The following LDB2 variants were observed in gnomAD, a reference collection of about 807,000 sequenced individuals.
LDB2 encodes LIM domain-binding protein 2.
In LDB2, 12 loss-of-function variants were observed where a neutral mutation model predicts 44.3. That is an observed-to-expected ratio of 0.27 (90% CI 0.17 to 0.44). The LOEUF (loss-of-function observed/expected upper bound fraction) is 0.44. LDB2 is among the 20% of genes least tolerant of loss of function. The pLI, the probability that LDB2 is intolerant of heterozygous loss-of-function variation, is 1.00. For missense variants in LDB2, 344 were observed against 473.5 expected (o/e 0.73, Z 2.54); for synonymous variants, 164 against 174.8 (o/e 0.94, Z 0.49).
At chr4:16,559,934 A>G (rs575927406) in intron 5 of LDB2, among the ~76,000 whole-genome samples, 21 of 152,330 alleles carry the variant, frequency 1.4e-4, no homozygotes, top group Admixed American at 7.2e-4. Flanking sequence ...GCTCAACTAC[A>G]TGGAAACTGA....
intron 2 of LDB2, among the ~76,000 whole-genome samples, chr4:16,732,475 C>T (rs10939687): frequency 0.048 from 7,285 of 152,194 alleles, 189 homozygotes; most frequent in African/African-American, 0.07. Context: ...TAACTTATAT[C>T]GAACAAATCA....
chr4:16,804,781 T>C (rs1383025834), intron 1 of LDB2, among the ~76,000 whole-genome samples: 1 of 152,204 alleles, frequency 6.6e-6, no homozygotes, highest in East Asian at 1.9e-4. Context: ...TTTTTGCTGA[T>C]TTCTCATTTT....
At chr4:16,555,853 T>G (rs1459729232) in intron 5 of LDB2, among the ~76,000 whole-genome samples, 1 of 152,118 alleles carries the variant, frequency 6.6e-6, no homozygotes, top group African/African-American at 2.4e-5. Context: ...CACCAACCAC[T>G]CCGCCCTCAC....
chr4:16,823,510 G>A (rs1326188797), intron 1 of LDB2, among the ~76,000 whole-genome samples: 8 of 151,954 alleles, frequency 5.3e-5, no homozygotes, highest in Non-Finnish European at 1.2e-4. Context: ...TTTTTAAAAG[G>A]AGAAAGCACT....
At chr4:16,611,250 A>T (rs1369082192) in intron 2 of LDB2, among the ~76,000 whole-genome samples, 1 of 152,222 alleles carries the variant, frequency 6.6e-6, no homozygotes, top group African/African-American at 2.4e-5. Flanking sequence ...AGTACCAGCC[A>T]CTGCGAAAAC....
intron 1 of LDB2, among the ~76,000 whole-genome samples, chr4:16,764,862 T>C (rs1342982772): frequency 6.6e-6 from 1 of 152,202 alleles, no homozygotes; most frequent in East Asian, 1.9e-4. Flanking sequence ...TAAGCCGTTT[T>C]GATGAAGGAT....
intron 5 of LDB2, among the ~76,000 whole-genome samples, chr4:16,552,160 GGAA>G (rs1356329816): frequency 3.3e-5 from 5 of 152,056 alleles, no homozygotes; most frequent in Admixed American, 6.6e-5. Context: ...CTGAAGGCAA[GGAA>G]GAAGAACATT....
chr4:16,597,732 C>T (rs1364901010), intron 2 of LDB2, among the ~76,000 whole-genome samples: 1 of 152,108 alleles, frequency 6.6e-6, no homozygotes, highest in Non-Finnish European at 1.5e-5. Context: ...ATCATGAATC[C>T]TGCACAAGTT....
intron 1 of LDB2, among the ~76,000 whole-genome samples, chr4:16,847,776 C>T (rs191722942): frequency 6.6e-6 from 1 of 152,302 alleles, no homozygotes; most frequent in African/African-American, 2.4e-5. Context: ...GCCACAGTGC[C>T]CAGCTAATTT....
chr4:16,648,632 C>T (rs1323302312), intron 2 of LDB2, among the ~76,000 whole-genome samples: 13 of 152,160 alleles, frequency 8.5e-5, no homozygotes, highest in Non-Finnish European at 2.9e-5. Flanking sequence ...AGCTTATAAG[C>T]TGATTTGCAG....
At chr4:16,727,813 G>A (rs1759847537) in intron 2 of LDB2, among the ~76,000 whole-genome samples, 1 of 152,056 alleles carries the variant, frequency 6.6e-6, no homozygotes, top group Non-Finnish European at 1.5e-5. Flanking sequence ...TAAGATGGAG[G>A]CAAGTTCTAT....
intron 1 of LDB2, among the ~76,000 whole-genome samples, chr4:16,862,839 C>T (rs1038179262): frequency 6.6e-6 from 1 of 151,978 alleles, no homozygotes; most frequent in Non-Finnish European, 1.5e-5. Context: ...CACAGTCCTC[C>T]GCCCCCGAAG....
chr4:16,873,616 G>C (rs898544320), intron 1 of LDB2, among the ~76,000 whole-genome samples: 1 of 152,014 alleles, frequency 6.6e-6, no homozygotes, highest in African/African-American at 2.4e-5. Context: ...CTAAAACAAG[G>C]AGTATTTTGG....
intron 5 of LDB2, among the ~76,000 whole-genome samples, chr4:16,550,075 G>C (rs78581805): frequency 0.054 from 8,258 of 152,256 alleles, 330 homozygotes; most frequent in Non-Finnish European, 0.083. Flanking sequence ...GTGTATACTG[G>C]CTTTGGAATC....
intron 1 of LDB2, among the ~76,000 whole-genome samples, chr4:16,810,281 T>G (rs899391698): frequency 6.6e-6 from 1 of 152,140 alleles, no homozygotes; most frequent in Middle Eastern, 3.2e-3. Context: ...AAATGCATCT[T>G]CCTAAAAGAA....
At chr4:16,507,206 G>T (rs1040377595) in intron 7 of LDB2, 7 of 152,142 alleles carry the variant, frequency 4.6e-5, no homozygotes, top group African/African-American at 1.7e-4. Context: ...TTGTAACCTT[G>T]TAAAATGTAA....
At chr4:16,661,489 C>A (rs1172728430) in intron 2 of LDB2, among the ~76,000 whole-genome samples, 1 of 152,184 alleles carries the variant, frequency 6.6e-6, no homozygotes, top group Non-Finnish European at 1.5e-5. Context: ...GCAGTTTCCT[C>A]ATCTTCAGTG....
chr4:16,779,595 C>T (rs947217944), intron 1 of LDB2, among the ~76,000 whole-genome samples: 4 of 152,170 alleles, frequency 2.6e-5, no homozygotes, highest in South Asian at 2.1e-4. Context: ...CCATAGGAGA[C>T]ATGGCTGCGT....
At chr4:16,505,288 A>G (rs1241291038) in intron 7 of LDB2, among the ~76,000 whole-genome samples, 4 of 152,100 alleles carry the variant, frequency 2.6e-5, no homozygotes, top group African/African-American at 9.7e-5. Context: ...GGGATGCCAC[A>G]TATGTTTTAC....
Sources: allele counts gnomAD v4.1 joint callset (sites outside exome capture counted in the v4.1 genomes callset), GRCh38; gene constraint gnomAD v4.1.1; transcripts MANE v1.5; gene names NCBI Gene and HGNC (gene_info 2026-07-23, HGNC 2026-07-21).